Variants in RNF182 observed in about 807,000 individuals in gnomAD.
The protein encoded by RNF182 is ring finger protein 182.
Under a neutral mutation model 14.4 loss-of-function variants are expected in RNF182, and 15 were observed. The observed-to-expected ratio is 1.04, with a 90% confidence interval of 0.70 to 1.60. The LOEUF (loss-of-function observed/expected upper bound fraction) is 1.60, where lower values mean the gene tolerates loss of function less well. Ranked by LOEUF, RNF182 falls within the 40% of genes most tolerant of loss-of-function variation. The pLI is 0.00. For missense variants in RNF182, 268 were observed against 294.8 expected, an observed-to-expected ratio of 0.91 and a Z score of 0.67; for synonymous variants, 128 against 122.9, an observed-to-expected ratio of 1.04 and a Z score of -0.27.
chr6:13,955,681 C>T (rs1287773015), intron 1 of RNF182, among the ~76,000 whole-genome samples: 1 of 152,204 alleles, frequency 6.6e-6, no homozygotes, highest in East Asian at 1.9e-4. Context: ...TTCCATGTCT[C>T]AGTTGTACTG....
At chr6:13,926,478 C>T (rs1561772564) in intron 1 of RNF182, among the ~76,000 whole-genome samples, 1 of 152,200 alleles carries the variant, frequency 6.6e-6, no homozygotes, top group Non-Finnish European at 1.5e-5. Flanking sequence ...GTATTGGAAA[C>T]TAAAGGATTG....
chr6:13,971,282 T>C (rs1760172173), intron 1 of RNF182, among the ~76,000 whole-genome samples: 1 of 152,168 alleles, frequency 6.6e-6, no homozygotes. Context: ...GATGATTTTA[T>C]GAAGGGTTTC....
chr6:13,974,160 G>T (rs1760266629), intron 1 of RNF182, 50 bp from the exon 2 acceptor site: 2 of 152,026 alleles, frequency 1.3e-5, no homozygotes, highest in South Asian at 4.1e-4. Context: ...GCAGTTGGTA[G>T]CCTGGCTTTT....
intron 1 of RNF182, among the ~76,000 whole-genome samples, chr6:13,958,219 CTA>C (rs1351401842): frequency 6.6e-6 from 1 of 151,988 alleles, no homozygotes; most frequent in East Asian, 1.9e-4. Context: ...AACCCCGTCT[CTA>C]TTAAAAATAC....
intron 1 of RNF182, among the ~76,000 whole-genome samples, chr6:13,961,789 G>C (rs1181553487): frequency 1.3e-5 from 2 of 152,164 alleles, no homozygotes; most frequent in Non-Finnish European, 2.9e-5. Context: ...GGGGAGGTAA[G>C]AGTTTTAATT....
intron 1 of RNF182, among the ~76,000 whole-genome samples, chr6:13,962,280 T>A (rs548869280): frequency 6.6e-6 from 1 of 152,294 alleles, no homozygotes; most frequent in South Asian, 2.1e-4. Context: ...GCTCCATAAA[T>A]AATGAGGTTA....
chr6:13,946,041 T>C (rs1759430882), intron 1 of RNF182, among the ~76,000 whole-genome samples: 1 of 151,960 alleles, frequency 6.6e-6, no homozygotes, highest in Non-Finnish European at 1.5e-5. Flanking sequence ...AAGGAAAAAG[T>C]CATGGGGAGA....
intron 1 of RNF182, among the ~76,000 whole-genome samples, chr6:13,925,555 CT>C (rs971188634): frequency 3.7e-4 from 57 of 152,050 alleles, no homozygotes; most frequent in Non-Finnish European, 1.5e-4. Flanking sequence ...ATCGAAAGAC[CT>C]TTTTTTCTTT....
At chr6:13,959,230 A>G (rs1057301364) in intron 1 of RNF182, among the ~76,000 whole-genome samples, 13 of 152,232 alleles carry the variant, frequency 8.5e-5, no homozygotes, top group Non-Finnish European at 1.5e-4. Context: ...TTAGTATGAC[A>G]TTTCACATTG....
intron 1 of RNF182, among the ~76,000 whole-genome samples, chr6:13,960,352 CCT>C (rs982909979): frequency 3.3e-5 from 5 of 152,074 alleles, no homozygotes; most frequent in African/African-American, 1.2e-4. Flanking sequence ...AGAATTAAAA[CCT>C]AACTTGGCCA....
intron 1 of RNF182, among the ~76,000 whole-genome samples, chr6:13,940,806 AT>A (rs1207297695): frequency 6.6e-6 from 1 of 152,118 alleles, no homozygotes; most frequent in Non-Finnish European, 1.5e-5. Context: ...ATATTTAAAA[AT>A]ATCCATGTGT....
At chr6:13,949,540 G>T (rs997285714) in intron 1 of RNF182, 11 of 506,682 alleles carry the variant, frequency 2.2e-5, no homozygotes, top group African/African-American at 2.0e-4. Flanking sequence ...GGGAATCTGT[G>T]TTCTGCAGTA....
intron 1 of RNF182, among the ~76,000 whole-genome samples, chr6:13,956,347 G>T: frequency 6.7e-6 from 1 of 148,408 alleles, no homozygotes; most frequent in African/African-American, 2.5e-5. Context: ...TTTTTGAGAT[G>T]GAGTCTTGCT....
chr6:13,942,922 C>T (rs1193562072), intron 1 of RNF182, among the ~76,000 whole-genome samples: 1 of 152,052 alleles, frequency 6.6e-6, no homozygotes, highest in East Asian at 1.9e-4. Flanking sequence ...AACTTATACG[C>T]CATAAAATTC....
chr6:13,943,067 G>T (rs2113600762), intron 1 of RNF182, among the ~76,000 whole-genome samples: 1 of 152,248 alleles, frequency 6.6e-6, no homozygotes, highest in Admixed American at 6.5e-5. Flanking sequence ...AAACAGCCCT[G>T]ATAGAGCTAT....
intron 2 of RNF182, among the ~76,000 whole-genome samples, chr6:13,976,266 A>G (rs928960850): frequency 1.3e-5 from 2 of 152,192 alleles, no homozygotes; most frequent in Non-Finnish European, 2.9e-5. Flanking sequence ...CCTTTAATGA[A>G]TGTATATGCA....
chr6:13,948,659 T>C (rs1759498111), intron 1 of RNF182, among the ~76,000 whole-genome samples: 1 of 152,174 alleles, frequency 6.6e-6, no homozygotes, highest in Admixed American at 6.5e-5. Context: ...CCTACTTAAG[T>C]CCTAGTTTGA....
intron 1 of RNF182, among the ~76,000 whole-genome samples, chr6:13,967,036 C>T (rs1290410137): frequency 6.6e-6 from 1 of 152,020 alleles, no homozygotes; most frequent in Non-Finnish European, 1.5e-5. Flanking sequence ...CAGAGCTTTG[C>T]CTTGTTTCCT....
At chr6:13,964,862 C>T (rs377357528) in intron 1 of RNF182, among the ~76,000 whole-genome samples, 1 of 152,176 alleles carries the variant, frequency 6.6e-6, no homozygotes, top group Non-Finnish European at 1.5e-5. Flanking sequence ...TCCTTTGGAG[C>T]AGGAGACCTT....
Sources: gnomAD v4.1 joint callset for allele counts (sites outside exome capture counted in the v4.1 genomes callset) on GRCh38, gnomAD v4.1.1 for gene constraint, MANE v1.5 for transcripts, NCBI Gene and HGNC (gene_info 2026-07-23, HGNC 2026-07-21) for gene names.